MICU1: variants seen among roughly 807,000 people sequenced by gnomAD.
The protein encoded by MICU1 is calcium uptake protein 1, mitochondrial.
MICU1 carries 45 observed loss-of-function variants against 56.8 expected under a neutral mutation model. The ratio of observed to expected loss-of-function variants is 0.79; its 90% CI spans 0.62 to 1.02. The LOEUF is 1.02. Ranked by LOEUF, MICU1 falls within the 50% of genes least tolerant of loss-of-function variation. The probability of loss-of-function intolerance (pLI) is 0.00; values close to 1 mark genes in which losing one functional copy is unlikely to be tolerated. For missense variants in MICU1, 504 were observed against 587.1 expected (o/e 0.86, Z 1.46); for synonymous variants, 186 against 195.1 (o/e 0.95, Z 0.39).
chr10:72,379,436 C>A (rs1862630412), intron 10 of MICU1: 1 of 278,164 alleles, frequency 3.6e-6, no homozygotes, highest in Non-Finnish European at 7.4e-6. Context: ...TTCTGTTAAC[C>A]ATTCCTTTTT....
At chr10:72,381,749 G>A (rs981608671) in intron 10 of MICU1, among the ~76,000 whole-genome samples, 82 of 152,172 alleles carry the variant, frequency 5.4e-4, no homozygotes, top group Non-Finnish European at 7.6e-4. Context: ...TGGCTTCAAT[G>A]GGCTTACACG....
chr10:72,533,657 G>C, intron 5 of MICU1, 89 bp downstream of exon 5: 1 of 980,480 alleles, frequency 1.0e-6, no homozygotes, highest in Non-Finnish European at 1.5e-6. Flanking sequence ...CAGGTATTCA[G>C]TGATTTCTCA....
rs141274760 is a variant in MICU1 at position 72,455,170 on chromosome 10, C to T, written c.933+19930G>A. 2.8e-3 allele frequency among the ~76,000 whole-genome samples: 425 copies of T among 151,626 alleles called. 2 individuals carry two copies. The highest frequency in any genetic ancestry group is 9.7e-3 in the African/African-American group (400 of 41,390). ...TTGGAGACCAGCCTGGCCAACATGG[C>T]GAAACCCCGTTTCTACTGATAAAGT... On this transcript the variant is annotated intron_variant, in intron 8 of 11. Coordinates refer to ENST00000361114, the MANE Select transcript of MICU1 (RefSeq NM_001195518.2).
intron 9 of MICU1, among the ~76,000 whole-genome samples, chr10:72,412,854 G>GAAA (rs57152777): frequency 2.6e-5 from 2 of 77,020 alleles, no homozygotes; most frequent in South Asian, 4.5e-4. Flanking sequence ...TCTGTCTCCA[G>GAAA]AAAAAAAAAA....
intron 1 of MICU1, among the ~76,000 whole-genome samples, chr10:72,573,057 G>C (rs1840649692): frequency 6.6e-6 from 1 of 151,858 alleles, no homozygotes; most frequent in Admixed American, 6.6e-5. Flanking sequence ...CTACCCCAAT[G>C]TTCACCAAGA....
intron 3 of MICU1, among the ~76,000 whole-genome samples, chr10:72,560,793 C>A (rs1840277370): frequency 6.6e-6 from 1 of 152,002 alleles, no homozygotes; most frequent in South Asian, 2.1e-4. Context: ...TCGTTTGAAT[C>A]CAGGAGGCAG....
In MICU1 at chr10:72,381,963, TACACACACACACACACACAC is replaced by T. The variant is rs10535513; in HGVS notation, c.1181-6111_1181-6092del. Among the ~76,000 whole-genome samples, 14 of 138,454 alleles carry T rather than the reference TACACACACACACACACACAC, an allele frequency of 1.0e-4. No individual in the cohort carries two copies. In the South Asian group the frequency reaches 3.2e-3, roughly 32 times the overall value. 90.8% of individuals were successfully genotyped at this position (138,454 alleles called of 152,430 possible). A position where few individuals can be genotyped will look rare whatever the true frequency, so the allele number is the denominator to read the frequency against. On this transcript the variant is annotated intron_variant, in intron 10 of 11. Transcript: ENST00000361114. ...AGGAGACTGTGTATATATATATCTA[TACACACACACACACACACAC>T]ACACACACACACACACACACACATT...
At chr10:72,581,144 G>A (rs1589363824) in intron 1 of MICU1, among the ~76,000 whole-genome samples, 1 of 152,254 alleles carries the variant, frequency 6.6e-6, no homozygotes, top group East Asian at 1.9e-4. Flanking sequence ...CTGCAACCTA[G>A]AACAACTTAT....
chr10:72,382,413 G>T (rs1207303349), intron 10 of MICU1, among the ~76,000 whole-genome samples: 1 of 151,984 alleles, frequency 6.6e-6, no homozygotes, highest in Non-Finnish European at 1.5e-5. Flanking sequence ...CGCCTGGCCT[G>T]TATCTGAATT....
At chr10:72,451,149 C>G (rs1387958101) in intron 8 of MICU1, among the ~76,000 whole-genome samples, 1 of 151,730 alleles carries the variant, frequency 6.6e-6, no homozygotes, top group Non-Finnish European at 1.5e-5. Flanking sequence ...CTCAGCCTCC[C>G]AAGTAGCTGG....
chr10:72,600,147 C>T (rs143163533), intron 1 of MICU1, among the ~76,000 whole-genome samples: 2,288 of 151,600 alleles, frequency 0.015, 43 homozygotes, highest in African/African-American at 0.048. Context: ...CAAAAATTAG[C>T]GGGACATGAT....
intron 1 of MICU1, among the ~76,000 whole-genome samples, chr10:72,607,688 C>T (rs1841730031): frequency 6.6e-6 from 1 of 151,330 alleles, no homozygotes; most frequent in Admixed American, 6.6e-5. Flanking sequence ...AAAGTGCCTT[C>T]TTGAGTCCTG....
intron 8 of MICU1, among the ~76,000 whole-genome samples, chr10:72,456,478 A>G (rs904922275): frequency 2.2e-4 from 34 of 152,092 alleles, no homozygotes; most frequent in African/African-American, 7.2e-4. Flanking sequence ...TGAGAGCCCT[A>G]TGAAGAGGTT....
intron 10 of MICU1, among the ~76,000 whole-genome samples, chr10:72,402,822 C>A (rs1456751733): frequency 1.3e-5 from 2 of 151,902 alleles, no homozygotes; most frequent in East Asian, 3.9e-4. Flanking sequence ...CTGAGACAGG[C>A]AGATTGCTTG....
chr10:72,410,699 G>A (rs1464377525), intron 9 of MICU1, among the ~76,000 whole-genome samples: 3 of 152,152 alleles, frequency 2.0e-5, no homozygotes, highest in Admixed American at 2.0e-4. Flanking sequence ...GTAATTTTTG[G>A]TAGTGGACTG....
chr10:72,479,022 T>C (rs1866206217), intron 6 of MICU1, among the ~76,000 whole-genome samples: 1 of 152,232 alleles, frequency 6.6e-6, no homozygotes, highest in South Asian at 2.1e-4. Flanking sequence ...GTCTGAATGT[T>C]ACATTTTACT....
chr10:72,444,729 G>T (rs557967947), intron 8 of MICU1, among the ~76,000 whole-genome samples: 11 of 152,276 alleles, frequency 7.2e-5, no homozygotes, highest in African/African-American at 2.4e-4. Context: ...GATTACAGGC[G>T]TGAGCCACCA....
chr10:72,471,807 G>C (rs1865960194), intron 8 of MICU1, among the ~76,000 whole-genome samples: 1 of 152,084 alleles, frequency 6.6e-6, no homozygotes, highest in South Asian at 2.1e-4. Context: ...CTTGAACCCT[G>C]GTACATACTA....
intron 8 of MICU1, among the ~76,000 whole-genome samples, chr10:72,465,978 T>G (rs907559036): frequency 6.6e-6 from 1 of 152,200 alleles, no homozygotes; most frequent in African/African-American, 2.4e-5. Context: ...TTTCTTACCA[T>G]AGATCTTAGC....
Sources: gnomAD v4.1 joint callset for allele counts (sites outside exome capture counted in the v4.1 genomes callset) on GRCh38, gnomAD v4.1.1 for gene constraint, MANE v1.5 for transcripts, NCBI Gene and HGNC (gene_info 2026-07-23, HGNC 2026-07-21) for gene names.